The following IMMP2L variants were observed in gnomAD, a reference collection of about 807,000 sequenced individuals.
The protein encoded by IMMP2L is mitochondrial inner membrane protease subunit 2.
IMMP2L carries 18 observed loss-of-function variants against 19.3 expected under a neutral mutation model. The ratio of observed to expected loss-of-function variants is 0.93; its 90% CI spans 0.64 to 1.38. The LOEUF (loss-of-function observed/expected upper bound fraction) is 1.38, where lower values mean the gene tolerates loss of function less well. Ranked by LOEUF, IMMP2L falls within the 40% of genes most tolerant of loss-of-function variation. IMMP2L has a pLI of 0.00. For synonymous variants in IMMP2L, 76 were observed against 73.0 expected (o/e 1.04, Z -0.21); for missense variants, 233 against 218.2 (o/e 1.07, Z -0.43).
At chr7:111,039,523 T>C (rs892206405) in intron 3 of IMMP2L, among the ~76,000 whole-genome samples, 1 of 152,188 alleles carries the variant, frequency 6.6e-6, no homozygotes, top group African/African-American at 2.4e-5. Context: ...AAAAACTAAA[T>C]TTGGCATCAA....
At chr7:110,762,834 G>A (rs867397601) in intron 5 of IMMP2L, among the ~76,000 whole-genome samples, 7 of 152,084 alleles carry the variant, frequency 4.6e-5, no homozygotes, top group African/African-American at 1.4e-4. Context: ...GATAATGTTC[G>A]GAGAGCAAGA....
At chr7:111,129,879 T>C (rs1018478563) in intron 3 of IMMP2L, among the ~76,000 whole-genome samples, 2 of 152,108 alleles carry the variant, frequency 1.3e-5, no homozygotes, top group African/African-American at 4.8e-5. Flanking sequence ...TATCCAATTA[T>C]AAGAAAAATT....
chr7:111,170,072 T>A (rs1806258919), intron 3 of IMMP2L, among the ~76,000 whole-genome samples: 1 of 151,968 alleles, frequency 6.6e-6, no homozygotes, highest in Admixed American at 6.6e-5. Context: ...TGTCTATACA[T>A]ATGCATACAT....
At chr7:110,724,467 T>C (rs1203381890) in intron 5 of IMMP2L, 1 of 152,160 alleles carries the variant, frequency 6.6e-6, no homozygotes, top group African/African-American at 2.4e-5. Flanking sequence ...TCAGGAACAT[T>C]CTGGAACCAA....
intron 3 of IMMP2L, among the ~76,000 whole-genome samples, chr7:111,269,157 G>A (rs960091377): frequency 5.9e-5 from 9 of 152,226 alleles, no homozygotes; most frequent in Admixed American, 1.3e-4. Flanking sequence ...AGTTTGTGGC[G>A]ATAAGAGGCT....
intron 3 of IMMP2L, among the ~76,000 whole-genome samples, chr7:111,297,369 C>T (rs966143188): frequency 1.1e-4 from 17 of 152,140 alleles, no homozygotes; most frequent in African/African-American, 3.9e-4. Flanking sequence ...GCAACTATGA[C>T]TCTATTTCAA....
chr7:111,007,650 TACGTATGTAC>T (rs770771695), intron 3 of IMMP2L, among the ~76,000 whole-genome samples: 17 of 152,114 alleles, frequency 1.1e-4, no homozygotes, highest in Admixed American at 4.6e-4. Flanking sequence ...CACTGACGTG[TACGTATGTAC>T]ACATATAGAC....
intron 3 of IMMP2L, among the ~76,000 whole-genome samples, chr7:111,243,583 G>A (rs1348057270): frequency 1.5e-5 from 2 of 132,326 alleles, no homozygotes; most frequent in Non-Finnish European, 3.2e-5. Flanking sequence ...AGTTACATAT[G>A]TATACATGTG....
At chr7:111,301,515 C>T (rs1364769182) in intron 3 of IMMP2L, among the ~76,000 whole-genome samples, 3 of 152,022 alleles carry the variant, frequency 2.0e-5, no homozygotes, top group Admixed American at 2.0e-4. Flanking sequence ...AGTGTCAAGT[C>T]TAAGAACTGA....
At chr7:111,078,677 T>G (rs1436255946) in intron 3 of IMMP2L, among the ~76,000 whole-genome samples, 1 of 152,114 alleles carries the variant, frequency 6.6e-6, no homozygotes, top group Non-Finnish European at 1.5e-5. Context: ...TTATCCTTTT[T>G]GAGTTTTCAA....
In IMMP2L at chr7:111,110,984, C is replaced by T. The variant is rs141093750; in HGVS notation, c.240-147419G>A. 5.3e-5 allele frequency among the ~76,000 whole-genome samples: 8 copies of T among 152,190 alleles called. No homozygotes were observed. In the East Asian group the frequency reaches 1.5e-3, roughly 29 times the overall value. ...ATCCTAACCTGTGAAGCTGCTATAA[C>T]ATAATATAAAACCATTTGCTTTTCT... is the stretch of plus-strand genomic sequence containing the variant. On this transcript the variant is annotated intron_variant, in intron 3 of 5. Coordinates refer to ENST00000405709, the MANE Select transcript of IMMP2L (RefSeq NM_032549.4).
intron 3 of IMMP2L, among the ~76,000 whole-genome samples, chr7:111,460,291 A>G (rs540662999): frequency 2.5e-4 from 38 of 152,322 alleles, no homozygotes; most frequent in South Asian, 1.2e-3. Context: ...ATGCTATTAG[A>G]TAAGGAATAT....
At chr7:111,291,839 A>C (rs1388597816) in intron 3 of IMMP2L, among the ~76,000 whole-genome samples, 1 of 152,198 alleles carries the variant, frequency 6.6e-6, no homozygotes, top group African/African-American at 2.4e-5. Flanking sequence ...GTAAACATGT[A>C]TCAAAACATA....
intron 1 of IMMP2L, among the ~76,000 whole-genome samples, chr7:111,540,539 T>G (rs1200156111): frequency 6.6e-6 from 1 of 152,140 alleles, no homozygotes; most frequent in Non-Finnish European, 1.5e-5. Context: ...TGGGAAACCC[T>G]ATATTAGCAC....
chr7:111,529,329 T>C (rs1847177558), intron 1 of IMMP2L, among the ~76,000 whole-genome samples: 1 of 152,186 alleles, frequency 6.6e-6, no homozygotes, highest in Non-Finnish European at 1.5e-5. Flanking sequence ...GAAAAACTGA[T>C]GAATTACAAC....
At chr7:110,906,981 G>A (rs1812525036) in intron 4 of IMMP2L, among the ~76,000 whole-genome samples, 1 of 152,042 alleles carries the variant, frequency 6.6e-6, no homozygotes, top group African/African-American at 2.4e-5. Context: ...TACAGGAGCT[G>A]GGGTGAGTAC....
chr7:111,051,488 G>C (rs1793003447), intron 3 of IMMP2L, among the ~76,000 whole-genome samples: 1 of 152,188 alleles, frequency 6.6e-6, no homozygotes, highest in African/African-American at 2.4e-5. Flanking sequence ...TATTTCTGAA[G>C]TGTTTCAAAG....
chr7:111,422,136 C>A (rs1250846677), intron 3 of IMMP2L, among the ~76,000 whole-genome samples: 6 of 151,620 alleles, frequency 4.0e-5, no homozygotes, highest in Non-Finnish European at 7.4e-5. Flanking sequence ...GCATTGTAGT[C>A]TAGTTTGAAA....
intron 3 of IMMP2L, among the ~76,000 whole-genome samples, chr7:111,364,629 G>A (rs1438207297): frequency 1.4e-5 from 2 of 145,290 alleles, no homozygotes; most frequent in Non-Finnish European, 3.0e-5. Flanking sequence ...AGTGAGACTC[G>A]GTCTCAAAAA....
Sources: gnomAD v4.1 joint callset for allele counts (sites outside exome capture counted in the v4.1 genomes callset) on GRCh38, gnomAD v4.1.1 for gene constraint, MANE v1.5 for transcripts, NCBI Gene and HGNC (gene_info 2026-07-23, HGNC 2026-07-21) for gene names.